The following FNDC1 variants were observed in gnomAD, a reference collection of about 807,000 sequenced individuals.
FNDC1 encodes the protein fibronectin type III domain-containing protein 1.
In FNDC1, 96 loss-of-function variants were observed where a neutral mutation model predicts 168.0. The observed-to-expected ratio is 0.57, with a 90% CI of 0.48 to 0.68. FNDC1 has a LOEUF of 0.68. FNDC1 is among the 30% of genes least tolerant of loss of function. FNDC1 has a pLI of 0.00. For synonymous variants in FNDC1, 1,099 were observed against 1,025.9 expected (o/e 1.07, Z -1.36); for missense variants, 2,587 against 2,482.1 (o/e 1.04, Z -0.90).
chr6:159,208,886 C>T (rs1231216044), intron 4 of FNDC1, among the ~76,000 whole-genome samples: 4 of 135,092 alleles, frequency 3.0e-5, no homozygotes, highest in African/African-American at 8.7e-5. Context: ...TCGCTCTTCT[C>T]GCCCAGGCTG....
rs869093208 is a variant in FNDC1 at position 159,188,746 on chromosome 6, CTTTTTTT to C, written c.110-8672_110-8666del. 8.8e-4 allele frequency among the ~76,000 whole-genome samples: 111 copies of C among 126,538 alleles called. 1 individual carries two copies. Among genetic ancestry groups the C allele is most frequent in the South Asian group, 1.3e-3 (5 of 3,718 alleles). 83.0% of individuals were successfully genotyped at this position (126,538 alleles called of 152,430 possible). A position where few individuals can be genotyped will look rare whatever the true frequency, so the allele number is the denominator to read the frequency against. The stretch of plus-strand genomic sequence containing the variant: ...GTAGCTTCAAAAATGTTAATTTTTA[CTTTTTTT>C]TTTTTTTTTTTTAAGATGGAGTCTC... On this transcript the variant is annotated intron_variant, in intron 1 of 22. Transcript: ENST00000297267.
Position 159,233,525 on chromosome 6 carries a change from C to A in FNDC1, c.3013C>A (p.Gln1005Lys), listed in dbSNP as rs1192232093. ...GACACCCGGCCGGGCCCCACAACAG[C>A]AGCCCCCTCCTCCCGTCGCCACGTC... ...RMTPGRAPQQ[Q>K]PPPPVATSQH... is the part of the protein sequence containing the mutation. The change falls in exon 11 of 23, where the codon CAG becomes AAG. Residue 1005 changes from glutamine (Q) to lysine (K), a missense_variant. Coordinates refer to ENST00000297267, the MANE Select transcript of FNDC1 (RefSeq NM_032532.3). The surrounding 1 kb of genome is among the most constrained non-coding windows in gnomAD (Gnocchi z 4.6). 5 of 1,598,528 alleles carry A rather than the reference C, an allele frequency of 3.1e-6. No individual in the cohort carries two copies. The highest frequency in any genetic ancestry group is 4.3e-6 in the Non-Finnish European group (5 of 1,176,080).
At chr6:159,248,827 C>G (rs1777192606) in intron 15 of FNDC1, among the ~76,000 whole-genome samples, 1 of 152,136 alleles carries the variant, frequency 6.6e-6, no homozygotes, top group African/African-American at 2.4e-5. Context: ...TCTGCAGCTT[C>G]TTTTCTGCAG....
intron 17 of FNDC1, among the ~76,000 whole-genome samples, chr6:159,252,932 C>T (rs556296729): frequency 6.6e-6 from 1 of 152,302 alleles, no homozygotes; most frequent in Admixed American, 6.5e-5. Flanking sequence ...AAACACGCCT[C>T]AAGGGTTCTT....
At chr6:159,219,862 C>T (rs1414333949) in intron 5 of FNDC1, among the ~76,000 whole-genome samples, 4 of 152,136 alleles carry the variant, frequency 2.6e-5, no homozygotes, top group African/African-American at 9.7e-5. Flanking sequence ...TGTCCCTGGA[C>T]TGTGAGGTCG....
intron 1 of FNDC1, among the ~76,000 whole-genome samples, chr6:159,190,554 C>T (rs1428050165): frequency 1.3e-5 from 2 of 152,216 alleles, no homozygotes; most frequent in Admixed American, 1.3e-4. Context: ...GCCCTGCAGT[C>T]TCCTTCTGGG....
intron 1 of FNDC1, among the ~76,000 whole-genome samples, chr6:159,189,180 G>A (rs1207886159): frequency 1.3e-5 from 2 of 152,306 alleles, no homozygotes; most frequent in Admixed American, 6.5e-5. Flanking sequence ...GCTATACCAT[G>A]GGATAGGCAG....
chr6:159,263,558 C>G (rs1258393251), intron 19 of FNDC1, among the ~76,000 whole-genome samples: 1 of 152,040 alleles, frequency 6.6e-6, no homozygotes, highest in African/African-American at 2.4e-5. Flanking sequence ...GTCATGAGAT[C>G]GAGACCATCC....
intron 18 of FNDC1, among the ~76,000 whole-genome samples, chr6:159,257,408 C>A (rs1185770603): frequency 2.6e-5 from 4 of 152,192 alleles, no homozygotes; most frequent in Non-Finnish European, 5.9e-5. Context: ...TTTTAAGCCA[C>A]CATGGGCTTG....
intron 1 of FNDC1, among the ~76,000 whole-genome samples, chr6:159,172,547 AT>A (rs1214106404): frequency 6.6e-6 from 1 of 152,200 alleles, no homozygotes; most frequent in African/African-American, 2.4e-5. Context: ...AATGAATGTG[AT>A]TTGTAAATGT....
chr6:159,203,563 G>A (rs762589416), intron 4 of FNDC1, among the ~76,000 whole-genome samples: 19 of 152,158 alleles, frequency 1.2e-4, no homozygotes, highest in Non-Finnish European at 2.8e-4. Context: ...CTCTTGTGTT[G>A]CTCATCTCAC....
At chr6:159,267,986 G>A (rs1471490417) in intron 22 of FNDC1, 60 bp downstream of exon 22, 2 of 1,553,742 alleles carry the variant, frequency 1.3e-6, no homozygotes, top group South Asian at 1.2e-5. Context: ...GATTAATAGA[G>A]GGGGAAAATC....
At chr6:159,227,227 C>G (rs940643290) in intron 9 of FNDC1, among the ~76,000 whole-genome samples, 2 of 152,062 alleles carry the variant, frequency 1.3e-5, no homozygotes, top group Non-Finnish European at 2.9e-5. Context: ...GTTTAAGAAC[C>G]TCTCAGAATC....
At chr6:159,244,993 T>A (rs1304921927) in intron 14 of FNDC1, among the ~76,000 whole-genome samples, 1 of 152,178 alleles carries the variant, frequency 6.6e-6, no homozygotes, top group Non-Finnish European at 1.5e-5. Context: ...CTTACAATCA[T>A]GGCAGAAGGG....
At position 159,215,012 on chromosome 6, in the gene FNDC1, G is replaced by A. The variant is rs777273910; in HGVS notation, c.528G>A (p.Ala176=). The change falls in exon 5 of 23, where the codon GCG becomes GCA. Residue 176 remains alanine (A), a synonymous_variant. Transcript: ENST00000297267. ...CCTCAGATGACAGGCTGTCCGTTGC[G>A]TGGAAGGCACCACGCCTGTCTGGAG... is the stretch of plus-strand genomic sequence containing the variant. The part of the protein sequence containing the change: ...VRSSDDRLSV[A]WKAPRLSGAK... 5.0e-6 allele frequency: 8 copies of A among 1,613,900 alleles called. No homozygotes were observed. Among genetic ancestry groups the A allele is most frequent in the African/African-American group, 1.3e-5 (1 of 74,934 alleles).
At chr6:159,180,139 C>T (rs1278853154) in intron 1 of FNDC1, among the ~76,000 whole-genome samples, 41 of 152,150 alleles carry the variant, frequency 2.7e-4, no homozygotes, top group Admixed American at 2.6e-3. Flanking sequence ...TCTGTAGGGC[C>T]AGTCATGCTC....
intron 2 of FNDC1, among the ~76,000 whole-genome samples, chr6:159,199,683 A>G (rs377146269): frequency 6.6e-6 from 1 of 152,190 alleles, no homozygotes; most frequent in African/African-American, 2.4e-5. Context: ...TCCTACATGG[A>G]TTTCACATTA....
At chr6:159,270,541 G>A (rs1488935353) in intron 22 of FNDC1, among the ~76,000 whole-genome samples, 1 of 152,114 alleles carries the variant, frequency 6.6e-6, no homozygotes, top group African/African-American at 2.4e-5. Context: ...AGAGCTGCTG[G>A]GTATTCAGCA....
chr6:159,215,150 A>T lies in FNDC1; in HGVS notation c.666A>T (p.Leu222=). Residue 222 remains leucine (L), a splice_region_variant and synonymous_variant, in exon 5 of 23, where the codon CTA becomes CTT. Coordinates refer to ENST00000297267, the MANE Select transcript of FNDC1 (RefSeq NM_032532.3). ...AACGGACACACGAAATTAAAAAGCT[A>T]GGTGAGTTTCATATTCATTGGTATT... is the stretch of plus-strand genomic sequence containing the variant. ...RDERTHEIKK[L]ASESVYVVSL... 6.2e-7 allele frequency: 1 copy of T among 1,613,124 alleles called. No homozygotes were observed. Among genetic ancestry groups the T allele is most frequent in the Non-Finnish European group, 8.5e-7 (1 of 1,179,070 alleles).
Sources: gnomAD v4.1 joint callset for allele counts (sites outside exome capture counted in the v4.1 genomes callset) on GRCh38, gnomAD v4.1.1 for gene constraint, Gnocchi (gnomAD v3.1) non-coding constraint, MANE v1.5 for transcripts, NCBI Gene and HGNC (gene_info 2026-07-23, HGNC 2026-07-21) for gene names.